WWP1: variants seen among roughly 807,000 people sequenced by gnomAD.
The protein encoded by WWP1 is WW domain containing E3 ubiquitin protein ligase 1.
In WWP1, 49 loss-of-function variants were observed where a neutral mutation model predicts 130.6. The observed-to-expected ratio is 0.38, with a 90% CI of 0.30 to 0.48. The LOEUF is 0.48. Ranked by LOEUF, WWP1 falls within the 20% of genes least tolerant of loss-of-function variation. The pLI, the probability that WWP1 is intolerant of heterozygous loss-of-function variation, is 0.99. For missense variants in WWP1, 809 were observed against 1,100.6 expected, an observed-to-expected ratio of 0.74 and a Z score of 3.75; for synonymous variants, 332 against 367.8, an observed-to-expected ratio of 0.90 and a Z score of 1.11.
At chr8:86,390,578 CAGGCACT>C (rs1021304368) in intron 5 of WWP1, among the ~76,000 whole-genome samples, 1 of 152,146 alleles carries the variant, frequency 6.6e-6, no homozygotes, top group African/African-American at 2.4e-5. Flanking sequence ...CCTGCAATCC[CAGGCACT>C]AGGCAGGCTG....
intron 8 of WWP1, among the ~76,000 whole-genome samples, chr8:86,408,162 G>T (rs902167794): frequency 1.3e-5 from 2 of 152,122 alleles, no homozygotes; most frequent in Admixed American, 6.5e-5. Flanking sequence ...AGCCTTTTCA[G>T]ATTGGCTTCT....
At chr8:86,359,938 A>G (rs1035971286) in intron 1 of WWP1, among the ~76,000 whole-genome samples, 1 of 151,880 alleles carries the variant, frequency 6.6e-6, no homozygotes, top group African/African-American at 2.4e-5. Context: ...AGTCCCAGCT[A>G]CTCAGGAGGC....
chr8:86,392,631 C>T (rs72688585), intron 5 of WWP1, among the ~76,000 whole-genome samples: 525 of 152,264 alleles, frequency 3.4e-3, no homozygotes, highest in Non-Finnish European at 5.6e-3. Flanking sequence ...ATTTGTGGTA[C>T]TGGACAGAGC....
At chr8:86,406,722 T>G (rs1563503438) in intron 8 of WWP1, among the ~76,000 whole-genome samples, 1 of 152,260 alleles carries the variant, frequency 6.6e-6, no homozygotes, top group East Asian at 1.9e-4. Context: ...TACCACCAGT[T>G]CAATCCAGGT....
intron 24 of WWP1, among the ~76,000 whole-genome samples, chr8:86,464,933 A>T (rs1223292122): frequency 6.6e-6 from 1 of 151,234 alleles, no homozygotes; most frequent in Non-Finnish European, 1.5e-5. Flanking sequence ...GTGTGTGTGT[A>T]TTGAGAGAGA....
intron 3 of WWP1, among the ~76,000 whole-genome samples, chr8:86,375,693 C>CA (rs1824605803): frequency 6.6e-6 from 1 of 152,116 alleles, no homozygotes; most frequent in Non-Finnish European, 1.5e-5. Flanking sequence ...ATTGGCGTTC[C>CA]ACTGTTTGCT....
chr8:86,431,102 A>G (rs1309831386), intron 12 of WWP1, among the ~76,000 whole-genome samples: 1 of 137,448 alleles, frequency 7.3e-6, no homozygotes, highest in Non-Finnish European at 1.5e-5. Flanking sequence ...TATTATATAT[A>G]TAATATACAG....
At chr8:86,365,260 A>G (rs901401040) in intron 1 of WWP1, among the ~76,000 whole-genome samples, 12 of 152,330 alleles carry the variant, frequency 7.9e-5, no homozygotes, top group African/African-American at 2.9e-4. Flanking sequence ...CATTTTTCTC[A>G]TAGAAATACT....
At chr8:86,443,830 A>C (rs1212899740) in intron 18 of WWP1, among the ~76,000 whole-genome samples, 2 of 152,188 alleles carry the variant, frequency 1.3e-5, no homozygotes. Flanking sequence ...CAAAGGCTCT[A>C]ATGTGGGAGT....
chr8:86,403,629 G>A (rs1217802097), intron 8 of WWP1, among the ~76,000 whole-genome samples: 2 of 152,052 alleles, frequency 1.3e-5, no homozygotes, highest in Non-Finnish European at 2.9e-5. Context: ...TTTACCCAAG[G>A]TTGGTGTTTG....
Position 86,467,108 on chromosome 8 carries a change from T to A in WWP1, c.*215T>A, listed in dbSNP as rs185629286. 1,151 of 417,820 alleles carry A rather than the reference T, an allele frequency of 2.8e-3. 2 individuals carry two copies. The highest frequency in any genetic ancestry group is 4.9e-3 in the Admixed American group (106 of 21,610). 25.9% of individuals were successfully genotyped at this position (417,820 alleles called of 1,614,324 possible). A position where few individuals can be genotyped will look rare whatever the true frequency, so the allele number is the denominator to read the frequency against. ...AAATGACTGACCAGGAAAAAGATCATCCTTAAATTTTGAAGCAAGTGAGAG... is the reference window on the plus strand; with the variant it reads ...AAATGACTGACCAGGAAAAAGATCAACCTTAAATTTTGAAGCAAGTGAGAG... On this transcript the variant is annotated 3_prime_UTR_variant, in exon 25 of 25. Coordinates refer to ENST00000517970, the MANE Select transcript of WWP1 (RefSeq NM_007013.4).
At chr8:86,466,270 A>G (rs994525395) in intron 24 of WWP1, among the ~76,000 whole-genome samples, 6 of 152,230 alleles carry the variant, frequency 3.9e-5, no homozygotes, top group African/African-American at 1.4e-4. Flanking sequence ...TCATTTTAGA[A>G]GAGTTTATAT....
At chr8:86,375,142 A>C (rs1360624368) in intron 3 of WWP1, among the ~76,000 whole-genome samples, 1 of 152,222 alleles carries the variant, frequency 6.6e-6, no homozygotes, top group Non-Finnish European at 1.5e-5. Flanking sequence ...AATTTAAAAA[A>C]TTACCAAAAA....
At chr8:86,388,624 C>G (rs984158185) in intron 5 of WWP1, among the ~76,000 whole-genome samples, 2 of 151,986 alleles carry the variant, frequency 1.3e-5, no homozygotes, top group African/African-American at 4.8e-5. Flanking sequence ...TTGATTGATA[C>G]TGTTAGTCAT....
chr8:86,441,343 T>C (rs1003284336), intron 17 of WWP1, among the ~76,000 whole-genome samples: 2 of 152,248 alleles, frequency 1.3e-5, no homozygotes, highest in Non-Finnish European at 2.9e-5. Flanking sequence ...TAATTGGTGT[T>C]TACTATTTCT....
At chr8:86,359,676 A>G (rs911892838) in intron 1 of WWP1, among the ~76,000 whole-genome samples, 1 of 152,102 alleles carries the variant, frequency 6.6e-6, no homozygotes, top group African/African-American at 2.4e-5. Flanking sequence ...CTGCCTTCTC[A>G]GGGATCTTGT....
At chr8:86,419,769 A>G (rs1809094988) in intron 9 of WWP1, among the ~76,000 whole-genome samples, 1 of 152,218 alleles carries the variant, frequency 6.6e-6, no homozygotes, top group African/African-American at 2.4e-5. Context: ...AAACAGATCT[A>G]TTTTAAGACA....
chr8:86,402,209 C>T lies in WWP1; in HGVS notation c.724+6C>T, dbSNP rs1586364442. On this transcript the variant is annotated splice_donor_region_variant and intron_variant, in intron 8 of 24. Coordinates refer to ENST00000517970, the MANE Select transcript of WWP1 (RefSeq NM_007013.4). ...TGAGCCTGCCGATGACACTGGTAAG[C>T]AAGGCTATTTATGACACCTTGTTTA... is the stretch of plus-strand genomic sequence containing the variant. 3 of 1,612,274 alleles carry T rather than the reference C, an allele frequency of 1.9e-6. No homozygotes were observed. Among genetic ancestry groups the T allele is most frequent in the African/African-American group, 2.7e-5 (2 of 74,954 alleles).
intron 14 of WWP1, among the ~76,000 whole-genome samples, chr8:86,434,765 T>G (rs1810195104): frequency 6.6e-6 from 1 of 152,220 alleles, no homozygotes; most frequent in South Asian, 2.1e-4. Context: ...ATGCATTCAG[T>G]AAATGCTTTT....
Sources: allele counts gnomAD v4.1 joint callset (sites outside exome capture counted in the v4.1 genomes callset), GRCh38; gene constraint gnomAD v4.1.1; transcripts MANE v1.5; gene names NCBI Gene and HGNC (gene_info 2026-07-23, HGNC 2026-07-21).